Variants in COL5A2 observed in about 807,000 individuals in gnomAD.
COL5A2 encodes the protein collagen alpha-2(V) chain.
A neutral mutation model predicts 208.2 loss-of-function variants in COL5A2; 23 were observed. The ratio of observed to expected loss-of-function variants is 0.11; its 90% CI spans 0.08 to 0.16. COL5A2 has a LOEUF of 0.16. Ranked by LOEUF, COL5A2 falls within the 10% of genes least tolerant of loss-of-function variation. The probability of loss-of-function intolerance (pLI) is 1.00; values close to 1 mark genes in which losing one functional copy is unlikely to be tolerated. For synonymous variants in COL5A2, 625 were observed against 628.5 expected, an observed-to-expected ratio of 0.99 and a Z score of 0.08; for missense variants, 1,590 against 1,956.4, an observed-to-expected ratio of 0.81 and a Z score of 3.53.
chr2:189,346,481 T>A, the COL5A2 span, among the ~76,000 whole-genome samples: 1 of 152,162 alleles, frequency 6.6e-6, no homozygotes, highest in Admixed American at 6.6e-5. Flanking sequence ...ATCAAAATCG[T>A]CACATATATA....
At chr2:189,222,250 A>G (rs1044002608) in intron 1 of COL5A2, among the ~76,000 whole-genome samples, 5 of 152,154 alleles carry the variant, frequency 3.3e-5, no homozygotes, top group Admixed American at 3.3e-4. Context: ...ATGACTGATA[A>G]AAGTGGAAAT....
chr2:189,333,608 G>A, the COL5A2 span, among the ~76,000 whole-genome samples: 1 of 151,982 alleles, frequency 6.6e-6, no homozygotes, highest in Non-Finnish European at 1.5e-5. Context: ...TTGGACTTTG[G>A]GTCTTTAAAG....
chr2:189,080,138 C>A (rs1576513258), intron 13 of COL5A2, 107 bp from the exon 14 acceptor site: 1 of 817,384 alleles, frequency 1.2e-6, no homozygotes, highest in East Asian at 2.6e-5. Context: ...AAATGAATAT[C>A]AAATTTAAAG....
At chr2:189,254,002 T>C in the COL5A2 span, among the ~76,000 whole-genome samples, 1 of 152,200 alleles carries the variant, frequency 6.6e-6, no homozygotes, top group African/African-American at 2.4e-5. Context: ...AGGAAAACCA[T>C]CAACTAGATT....
the COL5A2 span, among the ~76,000 whole-genome samples, chr2:189,241,276 G>T: frequency 6.6e-6 from 1 of 151,648 alleles, no homozygotes; most frequent in African/African-American, 2.4e-5. Flanking sequence ...CTACCTATTG[G>T]GTACAACATT....
intron 1 of COL5A2, among the ~76,000 whole-genome samples, chr2:189,127,074 G>C (rs917773013): frequency 6.6e-5 from 10 of 152,198 alleles, no homozygotes; most frequent in African/African-American, 2.4e-4. Flanking sequence ...AGCCATTGTA[G>C]GGGGATTGGG....
chr2:189,210,308 G>A (rs1338938953), intron 1 of COL5A2, among the ~76,000 whole-genome samples: 1 of 151,884 alleles, frequency 6.6e-6, no homozygotes, highest in African/African-American at 2.4e-5. Context: ...GATTGATTAT[G>A]CTCCTTAGAA....
chr2:189,079,858 T>C, intron 14 of COL5A2, 120 bp downstream of exon 14: 1 of 860,792 alleles, frequency 1.2e-6, no homozygotes, highest in East Asian at 2.4e-5. Context: ...TTTATTTACC[T>C]AACCATTTGT....
At chr2:189,389,833 T>C in the COL5A2 span, among the ~76,000 whole-genome samples, 14 of 152,202 alleles carry the variant, frequency 9.2e-5, no homozygotes, top group Admixed American at 9.2e-4. Context: ...TGTTAACTTC[T>C]TTTGACCTTC....
chr2:189,230,047 T>C (rs1056706240), upstream of COL5A2, among the ~76,000 whole-genome samples: 3 of 151,800 alleles, frequency 2.0e-5, no homozygotes, highest in Non-Finnish European at 2.9e-5. Context: ...TATGGTCAAG[T>C]GATCTTTGAG....
chr2:189,336,132 T>TA, the COL5A2 span, among the ~76,000 whole-genome samples: 1 of 151,968 alleles, frequency 6.6e-6, no homozygotes, highest in African/African-American at 2.4e-5. Flanking sequence ...AATAAACACA[T>TA]AAAAAGTTCC....
At chr2:189,435,672 AAAC>A in the COL5A2 span, among the ~76,000 whole-genome samples, 1 of 152,184 alleles carries the variant, frequency 6.6e-6, no homozygotes, top group Non-Finnish European at 1.5e-5. Flanking sequence ...AAAAGTCAGG[AAAC>A]AACAGGTGCT....
At position 189,064,115 on chromosome 2, in the gene COL5A2, T is replaced by C. The variant is rs1686093676; in HGVS notation, c.1717-82A>G. On this transcript the variant is annotated intron_variant, in intron 25 of 53. Coordinates refer to ENST00000374866, the MANE Select transcript of COL5A2 (RefSeq NM_000393.5). ...TCTTAAGAGTAAAAATAGTGTTGCA[T>C]TTTTGTCAACTGAATAGAATGACAT... 8 of 1,126,616 alleles carry C rather than the reference T, an allele frequency of 7.1e-6. No individual in the cohort carries two copies. In the Admixed American group the frequency reaches 7.2e-5, roughly 10 times the overall value. 69.8% of individuals were successfully genotyped at this position (1,126,616 alleles called of 1,614,324 possible).
chr2:189,084,193 C>A (rs1365197658), intron 11 of COL5A2, among the ~76,000 whole-genome samples, 156 bp from the exon 12 acceptor site: 1 of 152,144 alleles, frequency 6.6e-6, no homozygotes, highest in Non-Finnish European at 1.5e-5. Flanking sequence ...TAAAAATAGG[C>A]TCTATTCCTT....
At chr2:189,197,070 C>T (rs1689011275) in intron 1 of COL5A2, among the ~76,000 whole-genome samples, 1 of 151,992 alleles carries the variant, frequency 6.6e-6, no homozygotes, top group Admixed American at 6.6e-5. Flanking sequence ...CACTGACAGA[C>T]TGGATACATA....
the COL5A2 span, among the ~76,000 whole-genome samples, chr2:189,327,637 T>C: frequency 6.6e-6 from 1 of 152,230 alleles, no homozygotes; most frequent in African/African-American, 2.4e-5. Context: ...AGTTGAAAGA[T>C]AACTTGAACT....
the COL5A2 span, among the ~76,000 whole-genome samples, chr2:189,423,373 G>A: frequency 2.0e-5 from 3 of 148,358 alleles, no homozygotes; most frequent in African/African-American, 7.5e-5. Context: ...GTAGAAAGAA[G>A]GAAATAATAA....
At chr2:189,415,242 C>A in the COL5A2 span, among the ~76,000 whole-genome samples, 1 of 152,078 alleles carries the variant, frequency 6.6e-6, no homozygotes, top group Non-Finnish European at 1.5e-5. Flanking sequence ...ATTTTAACTT[C>A]AGTTATTTAG....
At position 189,042,757 on chromosome 2, in the gene COL5A2, T is replaced by C. The variant is rs758412337; in HGVS notation, c.3488A>G (p.Gln1163Arg). 19 of 1,606,856 alleles carry C rather than the reference T, an allele frequency of 1.2e-5. No homozygotes were observed. In the Admixed American group the frequency reaches 2.5e-4, roughly 21 times the overall value. The change falls in exon 49 of 54, where the codon CAA becomes CGA. Residue 1163 changes from glutamine (Q) to arginine (R), a missense_variant. By Grantham distance (43) the Gln-to-Arg change is conservative (BLOSUM62 1). Coordinates refer to ENST00000374866, the MANE Select transcript of COL5A2 (RefSeq NM_000393.5). ...LPGPPGPNGE[Q>R]GSAGIPGPFG... ...TGGTCCAGGGATTCCAGCACTTCCT[T>C]GTTCACCATTTGGACCCTAAGTAGG...
Sources: allele counts gnomAD v4.1 joint callset (sites outside exome capture counted in the v4.1 genomes callset), GRCh38; gene constraint gnomAD v4.1.1; transcripts MANE v1.5; gene names NCBI Gene and HGNC (gene_info 2026-07-23, HGNC 2026-07-21).